The following IGF2R variants were observed in gnomAD, a reference collection of about 807,000 sequenced individuals.
The protein encoded by IGF2R is cation-independent mannose-6-phosphate receptor.
In IGF2R, 91 loss-of-function variants were observed where a neutral mutation model predicts 270.6. The ratio of observed to expected loss-of-function variants is 0.34; its 90% CI spans 0.28 to 0.40. The LOEUF (loss-of-function observed/expected upper bound fraction) is 0.40, where lower values mean the gene tolerates loss of function less well. Among genes scored for constraint, IGF2R ranks in the 10% least tolerant of loss-of-function variants. IGF2R has a pLI of 1.00. For synonymous variants in IGF2R, 1,316 were observed against 1,258.9 expected, an observed-to-expected ratio of 1.05 and a Z score of -0.96; for missense variants, 2,805 against 3,188.3, an observed-to-expected ratio of 0.88 and a Z score of 2.90.
intron 5 of IGF2R, 35 bp downstream of exon 5, chr6:160,024,739 G>A (rs2115224175): frequency 6.2e-7 from 1 of 1,607,818 alleles, no homozygotes; most frequent in Non-Finnish European, 8.5e-7. Context: ...GGGTGGTGGT[G>A]AGGGATTTCT....
intron 4 of IGF2R, among the ~76,000 whole-genome samples, chr6:160,016,039 C>G (rs564576217): frequency 6.6e-6 from 1 of 152,204 alleles, no homozygotes; most frequent in Non-Finnish European, 1.5e-5. Context: ...AACTTCTTTT[C>G]TTTATAAATT....
intron 1 of IGF2R, among the ~76,000 whole-genome samples, chr6:159,975,856 GTTTA>G (rs923010558): frequency 1.5e-4 from 23 of 149,848 alleles, no homozygotes; most frequent in Non-Finnish European, 2.1e-4. Context: ...AAGGGTAAAA[GTTTA>G]TTTATTTCCA....
chr6:160,047,110 T>C (rs1778085092), intron 15 of IGF2R, 49 bp from the exon 16 acceptor site: 1 of 1,571,118 alleles, frequency 6.4e-7, no homozygotes. Flanking sequence ...AGCCTTGGAG[T>C]GCTTCTGCCC....
intron 1 of IGF2R, among the ~76,000 whole-genome samples, chr6:159,980,034 A>T (rs1469476728): frequency 6.6e-6 from 1 of 151,904 alleles, no homozygotes; most frequent in African/African-American, 2.4e-5. Flanking sequence ...AAAAAATCTT[A>T]GATGGGCGCG....
At chr6:160,104,212 G>A (rs899143464) in intron 47 of IGF2R, among the ~76,000 whole-genome samples, 2 of 152,144 alleles carry the variant, frequency 1.3e-5, no homozygotes, top group African/African-American at 2.4e-5. Flanking sequence ...TTGTGGTCTC[G>A]ATGGGTAATG....
At chr6:160,081,824 A>G (rs1018017526) in intron 39 of IGF2R, among the ~76,000 whole-genome samples, 1 of 152,252 alleles carries the variant, frequency 6.6e-6, no homozygotes, top group African/African-American at 2.4e-5. Flanking sequence ...ACCGGCCCAC[A>G]GTCAGCCAGA....
intron 39 of IGF2R, among the ~76,000 whole-genome samples, chr6:160,082,853 G>T (rs1053369955): frequency 6.6e-6 from 1 of 152,234 alleles, no homozygotes; most frequent in Non-Finnish European, 1.5e-5. Context: ...TGGGGAAGGC[G>T]TGCAGGAACG....
chr6:160,096,755 A>G, intron 45 of IGF2R, 130 bp downstream of exon 45: 1 of 758,512 alleles, frequency 1.3e-6, no homozygotes, highest in South Asian at 2.1e-5. Flanking sequence ...AGAGAAAATG[A>G]TAGAAGCGGA....
At chr6:160,082,059 G>T (rs1259499630) in intron 39 of IGF2R, among the ~76,000 whole-genome samples, 4 of 152,218 alleles carry the variant, frequency 2.6e-5, no homozygotes, top group Admixed American at 1.3e-4. Context: ...TTGGGGAAGT[G>T]ATAAATGTCC....
At position 160,105,379 on chromosome 6, in the gene IGF2R, A is replaced by C. The variant is rs1779592017; in HGVS notation, c.*295A>C. On this transcript the variant is annotated 3_prime_UTR_variant, in exon 48 of 48. Transcript: ENST00000356956. ...TAAGGCCGGACGCATCTCAAAACAG[A>C]GGGCTGCATTCGAAGAAACCCTTGC... is the stretch of plus-strand genomic sequence containing the variant. The C allele has an allele frequency of 3.3e-6, 1 of 298,898 alleles. No individual in the cohort carries two copies. The highest frequency in any genetic ancestry group is 4.6e-5 in the Admixed American group (1 of 21,822). The allele number at this position is 298,898 out of a possible 1,614,324, so 18.5% of individuals were successfully genotyped here. A position where few individuals can be genotyped will look rare whatever the true frequency, so the allele number is the denominator to read the frequency against.
At position 160,088,163 on chromosome 6, in the gene IGF2R, G is replaced by T. The variant is rs773246121; in HGVS notation, c.6320+16G>T. 3 of 1,450,308 alleles carry T rather than the reference G, an allele frequency of 2.1e-6. No homozygotes were observed. The highest frequency in any genetic ancestry group is 2.9e-6 in the Non-Finnish European group (3 of 1,030,900). The allele number at this position is 1,450,308 out of a possible 1,614,324, so 89.8% of individuals were successfully genotyped here. A position where few individuals can be genotyped will look rare whatever the true frequency, so the allele number is the denominator to read the frequency against. ...CATTCAAGAGGTCAGGAGACTGGGG[G>T]CTCAGAGCGGGACTGTGCAGTGAGC... is the stretch of plus-strand genomic sequence containing the variant. On this transcript the variant is annotated intron_variant, in intron 42 of 47. Coordinates refer to ENST00000356956, the MANE Select transcript of IGF2R (RefSeq NM_000876.4).
chr6:160,072,144 G>A lies in IGF2R; in HGVS notation c.4570+108G>A, dbSNP rs193220216. The A allele has an allele frequency of 4.5e-5, 64 of 1,413,934 alleles. No homozygotes were observed. The East Asian group carries it at 8.5e-4, about 19-fold the overall frequency. The allele number at this position is 1,413,934 out of a possible 1,614,324, so 87.6% of individuals were successfully genotyped here. On this transcript the variant is annotated intron_variant, in intron 32 of 47. Transcript: ENST00000356956. ...CAAAGAGAAGCTATGGGCAGCAGGC[G>A]CCCTGGGCAGAGGTGTCATGGTGTG...
intron 2 of IGF2R, 42 bp downstream of exon 2, chr6:159,991,365 TCC>T: frequency 1.3e-6 from 2 of 1,587,164 alleles, no homozygotes; most frequent in South Asian, 1.1e-5. Flanking sequence ...GCAATATGAT[TCC>T]CCAATTTTGC....
At chr6:160,083,249 T>A (rs1465721877) in intron 39 of IGF2R, among the ~76,000 whole-genome samples, 1 of 152,218 alleles carries the variant, frequency 6.6e-6, no homozygotes, top group Non-Finnish European at 1.5e-5. Flanking sequence ...TAGGCCAAAT[T>A]TATGTTTCTC....
chr6:160,083,882 T>G, intron 39 of IGF2R, 68 bp from the exon 40 acceptor site: 1 of 1,080,764 alleles, frequency 9.3e-7, no homozygotes, highest in Non-Finnish European at 1.4e-6. Context: ...TGGAGTCTCT[T>G]ATGTCTTCCC....
At chr6:160,088,909 G>A (rs577464154) in intron 42 of IGF2R, among the ~76,000 whole-genome samples, 198 bp from the exon 43 acceptor site, 5 of 152,324 alleles carry the variant, frequency 3.3e-5, no homozygotes, top group East Asian at 1.9e-4. Flanking sequence ...CCGAGCTGCC[G>A]TCAGTGTTGA....
intron 10 of IGF2R, among the ~76,000 whole-genome samples, chr6:160,036,338 C>A (rs896769406): frequency 1.3e-5 from 2 of 152,138 alleles, no homozygotes; most frequent in Non-Finnish European, 2.9e-5. Flanking sequence ...CCCTGAATCA[C>A]GTCTCTCCTA....
chr6:160,041,410 C>T (rs183085942), intron 11 of IGF2R, among the ~76,000 whole-genome samples: 1 of 151,972 alleles, frequency 6.6e-6, no homozygotes, highest in Admixed American at 6.5e-5. Flanking sequence ...TATGTTCTCG[C>T]TCGTAAGTGG....
chr6:160,043,369 G>A, intron 12 of IGF2R, 81 bp downstream of exon 12: 1 of 1,442,678 alleles, frequency 6.9e-7, no homozygotes, highest in Non-Finnish European at 9.4e-7. Flanking sequence ...ATCTTTCTGT[G>A]GTTCATCTAA....
Sources: gnomAD v4.1 joint callset for allele counts (sites outside exome capture counted in the v4.1 genomes callset) on GRCh38, gnomAD v4.1.1 for gene constraint, MANE v1.5 for transcripts, NCBI Gene and HGNC (gene_info 2026-07-23, HGNC 2026-07-21) for gene names.